Variants in NDST4 observed in about 807,000 individuals in gnomAD.
NDST4 encodes the protein N-heparan sulfate sulfotransferase 4.
A neutral mutation model predicts 100.8 loss-of-function variants in NDST4; 63 were observed. The ratio of observed to expected loss-of-function variants is 0.62; its 90% confidence interval spans 0.51 to 0.77. The LOEUF (loss-of-function observed/expected upper bound fraction) is 0.77, where lower values mean the gene tolerates loss of function less well. Ranked by LOEUF, NDST4 falls within the 30% of genes least tolerant of loss-of-function variation. NDST4 has a pLI of 0.00. For synonymous variants in NDST4, 377 were observed against 361.8 expected (o/e 1.04, Z -0.48); for missense variants, 943 against 1,018.4 (o/e 0.93, Z 1.01).
At chr4:115,021,800 A>G (rs143782487) in intron 2 of NDST4, among the ~76,000 whole-genome samples, 11,368 of 149,610 alleles carry the variant, frequency 0.076, 1,430 homozygotes, top group African/African-American at 0.27. Flanking sequence ...TTCCACATCT[A>G]TACACATTCC....
At chr4:115,073,588 CT>C (rs1310354347) in intron 2 of NDST4, among the ~76,000 whole-genome samples, 17 of 151,952 alleles carry the variant, frequency 1.1e-4, no homozygotes, top group Non-Finnish European at 5.9e-5. Context: ...CATAATCTCA[CT>C]TTTTATGGAG....
chr4:115,097,869 A>G (rs1329722826), intron 1 of NDST4, among the ~76,000 whole-genome samples: 2 of 152,152 alleles, frequency 1.3e-5, no homozygotes, highest in African/African-American at 2.4e-5. Flanking sequence ...TTCTTTACAT[A>G]TGTACTTCTA....
chr4:115,073,837 T>A (rs539215399), intron 2 of NDST4, among the ~76,000 whole-genome samples: 1 of 152,104 alleles, frequency 6.6e-6, no homozygotes. Flanking sequence ...GGATAATTAA[T>A]TCCTATGTCA....
At chr4:114,965,412 T>C (rs1042154004) in intron 4 of NDST4, among the ~76,000 whole-genome samples, 1 of 152,120 alleles carries the variant, frequency 6.6e-6, no homozygotes, top group Non-Finnish European at 1.5e-5. Flanking sequence ...TTTGTGTTTT[T>C]ATGAGAACAA....
chr4:114,982,526 G>A (rs1376852304), intron 2 of NDST4, among the ~76,000 whole-genome samples: 1 of 152,174 alleles, frequency 6.6e-6, no homozygotes, highest in Non-Finnish European at 1.5e-5. Flanking sequence ...TTGAAGATAT[G>A]GCCTGGCCCT....
In NDST4 at chr4:114,845,698, G is replaced by C; in HGVS notation, c.2115+125C>G. On this transcript the variant is annotated intron_variant, in intron 10 of 13. Coordinates refer to ENST00000264363, the MANE Select transcript of NDST4 (RefSeq NM_022569.3). Reference sequence around the variant, plus strand: ...CATATTTCTCATATTTTTTGGTGGGGGTTGTGGGTTTAGATATTCTTACAT... The same window carrying C: ...CATATTTCTCATATTTTTTGGTGGGCGTTGTGGGTTTAGATATTCTTACAT... 4 of 788,508 alleles carry C rather than the reference G, an allele frequency of 5.1e-6. No individual in the cohort carries two copies. The South Asian group carries it at 1.0e-4, about 21-fold the overall frequency. The allele number at this position is 788,508 out of a possible 1,614,324, so 48.8% of individuals were successfully genotyped here. A position where few individuals can be genotyped will look rare whatever the true frequency, so the allele number is the denominator to read the frequency against.
At chr4:114,890,056 T>C (rs1724561135) in intron 6 of NDST4, among the ~76,000 whole-genome samples, 3 of 152,190 alleles carry the variant, frequency 2.0e-5, no homozygotes. Flanking sequence ...ATTTTTATTT[T>C]ACCCATGGAT....
chr4:114,935,878 G>A (rs1725619020), intron 5 of NDST4, among the ~76,000 whole-genome samples: 1 of 152,000 alleles, frequency 6.6e-6, no homozygotes, highest in Non-Finnish European at 1.5e-5. Flanking sequence ...TACTTCTTTT[G>A]TAAGTCTGAA....
intron 1 of NDST4, among the ~76,000 whole-genome samples, chr4:115,092,463 G>A (rs1241395414): frequency 1.7e-5 from 2 of 120,920 alleles, no homozygotes; most frequent in African/African-American, 5.3e-5. Context: ...GTTAAAAAAT[G>A]ATAAAATGTC....
intron 4 of NDST4, among the ~76,000 whole-genome samples, chr4:114,939,936 G>A (rs1327298473): frequency 6.6e-6 from 1 of 152,010 alleles, no homozygotes; most frequent in Admixed American, 6.6e-5. Flanking sequence ...TTATCATGGC[G>A]CTTACAGACC....
chr4:114,895,664 C>A (rs999779862), intron 6 of NDST4, among the ~76,000 whole-genome samples: 2 of 152,036 alleles, frequency 1.3e-5, no homozygotes, highest in African/African-American at 2.4e-5. Context: ...ATACCAAAAT[C>A]GAGAAGAGAC....
intron 2 of NDST4, among the ~76,000 whole-genome samples, chr4:115,003,126 G>T (rs1372440839): frequency 6.6e-6 from 1 of 152,100 alleles, no homozygotes; most frequent in East Asian, 1.9e-4. Flanking sequence ...AATACATAAT[G>T]CATGCGGGGC....
chr4:114,997,928 A>G (rs754570160), intron 2 of NDST4, among the ~76,000 whole-genome samples: 3 of 152,038 alleles, frequency 2.0e-5, no homozygotes, highest in Non-Finnish European at 4.4e-5. Flanking sequence ...GGATTAAAGG[A>G]TTTGTTGGAA....
At chr4:115,064,328 C>T (rs961034549) in intron 2 of NDST4, among the ~76,000 whole-genome samples, 4 of 151,878 alleles carry the variant, frequency 2.6e-5, no homozygotes, top group African/African-American at 7.2e-5. Context: ...TTGTTTCAAT[C>T]GATCATAATT....
chr4:114,988,352 CTT>C lies in NDST4; in HGVS notation c.979-11080_979-11079del, dbSNP rs991019823. 5.3e-3 allele frequency among the ~76,000 whole-genome samples: 342 copies of C among 64,076 alleles called. 1 individual carries two copies. The highest frequency in any genetic ancestry group is 0.018 in the African/African-American group (261 of 14,586). The allele number at this position is 64,076 out of a possible 152,430, so 42.0% of individuals were successfully genotyped here. A position where few individuals can be genotyped will look rare whatever the true frequency, so the allele number is the denominator to read the frequency against. ...TTTGTAAGCACACAGATACACATAT[CTT>C]TTTTTTTTTTTTTTTTTTTTTTTTT... On this transcript the variant is annotated intron_variant, in intron 2 of 13. Coordinates refer to ENST00000264363, the MANE Select transcript of NDST4 (RefSeq NM_022569.3).
chr4:115,036,753 A>G (rs915324422), intron 2 of NDST4, among the ~76,000 whole-genome samples: 1 of 151,926 alleles, frequency 6.6e-6, no homozygotes, highest in African/African-American at 2.4e-5. Flanking sequence ...CTTGACCTCA[A>G]AGTATGGTCT....
At chr4:114,918,270 G>C (rs1725215786) in intron 6 of NDST4, among the ~76,000 whole-genome samples, 1 of 151,694 alleles carries the variant, frequency 6.6e-6, no homozygotes, top group South Asian at 2.1e-4. Flanking sequence ...ATTGGGCTGC[G>C]ATGCTGGGTG....
chr4:115,024,405 G>C (rs1367297962), intron 2 of NDST4, among the ~76,000 whole-genome samples: 2 of 152,006 alleles, frequency 1.3e-5, no homozygotes, highest in Admixed American at 6.6e-5. Context: ...GCAGGATGCG[G>C]AGTCAAACGT....
At chr4:114,974,373 T>G (rs2126242658) in intron 3 of NDST4, among the ~76,000 whole-genome samples, 1 of 152,274 alleles carries the variant, frequency 6.6e-6, no homozygotes, top group East Asian at 1.9e-4. Context: ...AATGCTATTT[T>G]TCATAAAATA....
Sources: gnomAD v4.1 joint callset for allele counts (sites outside exome capture counted in the v4.1 genomes callset) on GRCh38, gnomAD v4.1.1 for gene constraint, MANE v1.5 for transcripts, NCBI Gene and HGNC (gene_info 2026-07-23, HGNC 2026-07-21) for gene names.